The following OSBPL2 variants were observed in gnomAD, a reference collection of about 807,000 sequenced individuals.
OSBPL2 encodes oxysterol-binding protein-related protein 2.
A neutral mutation model predicts 58.4 loss-of-function variants in OSBPL2; 18 were observed. The ratio of observed to expected loss-of-function variants is 0.31; its 90% CI spans 0.21 to 0.46. OSBPL2 has a LOEUF of 0.46. OSBPL2 is among the 20% of genes least tolerant of loss of function. The probability of loss-of-function intolerance (pLI) is 1.00; values close to 1 mark genes in which losing one functional copy is unlikely to be tolerated. For synonymous variants in OSBPL2, 221 were observed against 234.1 expected, an observed-to-expected ratio of 0.94 and a Z score of 0.51; for missense variants, 461 against 616.5, an observed-to-expected ratio of 0.75 and a Z score of 2.67.
chr20:62,275,514 C>A (rs1036448628), intron 6 of OSBPL2, among the ~76,000 whole-genome samples: 1 of 151,734 alleles, frequency 6.6e-6, no homozygotes, highest in African/African-American at 2.4e-5. Flanking sequence ...TGGATATGAT[C>A]ACAGCTCACT....
intron 1 of OSBPL2, chr20:62,238,873 A>G (rs920669549): frequency 7.1e-6 from 1 of 140,788 alleles, no homozygotes; most frequent in Non-Finnish European, 1.6e-5. Flanking sequence ...CGGCCCCCGC[A>G]CCCTTCCCCC....
intron 10 of OSBPL2, chr20:62,286,360 G>T (rs1432841688): frequency 9.2e-6 from 4 of 435,004 alleles, no homozygotes; most frequent in Non-Finnish European, 1.7e-5. Context: ...TGAGGCAGGA[G>T]AATCTCTTGA....
At chr20:62,259,820 C>T (rs972360820) in intron 2 of OSBPL2, among the ~76,000 whole-genome samples, 161 bp from the exon 3 acceptor site, 1 of 152,172 alleles carries the variant, frequency 6.6e-6, no homozygotes, top group Non-Finnish European at 1.5e-5. Flanking sequence ...TCTCTCTGTA[C>T]CGTGTCTGCT....
chr20:62,280,329 C>A, intron 7 of OSBPL2: 1 of 332,892 alleles, frequency 3.0e-6, no homozygotes. Flanking sequence ...GCTGGTATGG[C>A]CGAGTGCCTG....
chr20:62,256,051 C>T lies in OSBPL2; in HGVS notation c.-128-6C>T. The T allele has an allele frequency of 9.3e-7, 1 of 1,075,408 alleles. No individual in the cohort carries two copies. The highest frequency in any genetic ancestry group is 3.2e-5 in the Admixed American group (1 of 31,204). The allele number at this position is 1,075,408 out of a possible 1,614,324, so 66.6% of individuals were successfully genotyped here. ...GCTAAGTATGCCAAAATTTTTTTCC[C>T]TTTAGATCTTCAGTGTCTATTGGAT... On this transcript the variant is annotated splice_region_variant and splice_polypyrimidine_tract_variant and intron_variant, in intron 1 of 13. Transcript: ENST00000313733.
chr20:62,263,721 G>T lies in OSBPL2; in HGVS notation c.258+30G>T, dbSNP rs777235366. The T allele has an allele frequency of 3.2e-6, 5 of 1,583,936 alleles. No homozygotes were observed. The Admixed American group carries it at 8.3e-5, about 26-fold the overall frequency. Reference sequence around the variant, plus strand: ...GTCCGGGGGCCCGTGTTCACACATGGGGCTGCACCACTGACTCCTGGGAAG... The same window carrying T: ...GTCCGGGGGCCCGTGTTCACACATGTGGCTGCACCACTGACTCCTGGGAAG... On this transcript the variant is annotated intron_variant, in intron 4 of 13. Coordinates refer to ENST00000313733, the MANE Select transcript of OSBPL2 (RefSeq NM_144498.4).
chr20:62,282,104 G>A (rs1982833155), intron 9 of OSBPL2: 1 of 366,568 alleles, frequency 2.7e-6, no homozygotes, highest in South Asian at 5.2e-5. Context: ...GTTTCTAGGT[G>A]GCTTGTTACT....
At chr20:62,273,220 A>T in intron 5 of OSBPL2, 89 bp from the exon 6 acceptor site, 1 of 959,268 alleles carries the variant, frequency 1.0e-6, no homozygotes, top group Non-Finnish European at 1.6e-6. Flanking sequence ...GACAGAAACC[A>T]GGTGCCCACC....
intron 2 of OSBPL2, among the ~76,000 whole-genome samples, chr20:62,258,487 G>A (rs187527425): frequency 6.6e-6 from 1 of 152,362 alleles, no homozygotes; most frequent in Non-Finnish European, 1.5e-5. Flanking sequence ...TAAGGGCTAT[G>A]AACGCAGAGG....
intron 5 of OSBPL2, 65 bp from the exon 6 acceptor site, chr20:62,273,244 G>A: frequency 7.7e-7 from 1 of 1,299,784 alleles, no homozygotes; most frequent in Non-Finnish European, 1.1e-6. Flanking sequence ...CTCCACAAGA[G>A]GCCATCTTCT....
At chr20:62,238,931 C>G (rs1296867333) in intron 1 of OSBPL2, 2 of 152,154 alleles carry the variant, frequency 1.3e-5, no homozygotes, top group East Asian at 3.9e-4. Context: ...CCCGGCCCCC[C>G]CGAGATCCCC....
rs1266718896 is a variant in OSBPL2 at position 62,269,845 on chromosome 20, C to A, written c.259-2280C>A. Among the ~76,000 whole-genome samples the A allele has an allele frequency of 6.6e-6, 1 of 152,254 alleles. No individual in the cohort carries two copies. Among genetic ancestry groups the A allele is most frequent in the Non-Finnish European group, 1.5e-5 (1 of 68,042 alleles). ...CCACATTCCCTTGTGCAGTCTTGGCCACACCCATGTGCCGGGGCTGCCTCA... is the reference window on the plus strand; with the variant it reads ...CCACATTCCCTTGTGCAGTCTTGGCAACACCCATGTGCCGGGGCTGCCTCA... On this transcript the variant is annotated intron_variant, in intron 4 of 13. Transcript: ENST00000313733. This position sits in a 1 kb window ranked among gnomAD's most constrained non-coding sequence, Gnocchi z 4.2.
In OSBPL2 at chr20:62,286,693, G is replaced by C; in HGVS notation, c.1107G>C (p.Arg369=). ...AGCTGCTCTGGAGGATCAACACCCG[G>C]CCCCCCAACTCTGCCCAGGTCTGTG... ...GSKLLWRINT[R]PPNSAQMYNF... Residue 369 remains arginine, a synonymous_variant, in exon 11 of 14, where the codon CGG becomes CGC. Transcript: ENST00000313733. The C allele has an allele frequency of 6.2e-7, 1 of 1,612,782 alleles. No homozygotes were observed. The highest frequency in any genetic ancestry group is 8.5e-7 in the Non-Finnish European group (1 of 1,179,362).
intron 4 of OSBPL2, among the ~76,000 whole-genome samples, chr20:62,266,504 G>T (rs146030192): frequency 1.3e-5 from 2 of 152,064 alleles, no homozygotes; most frequent in African/African-American, 2.4e-5. Flanking sequence ...TTCTGGATCC[G>T]CAGTGATTGG....
intron 1 of OSBPL2, among the ~76,000 whole-genome samples, chr20:62,247,953 A>T (rs1180175535): frequency 1.3e-5 from 2 of 150,758 alleles, no homozygotes; most frequent in Non-Finnish European, 3.0e-5. Flanking sequence ...GTGAGCCACT[A>T]CGCCCGGCCC....
chr20:62,251,885 T>TC (rs1980575299), intron 1 of OSBPL2, among the ~76,000 whole-genome samples: 2 of 124,488 alleles, frequency 1.6e-5, no homozygotes, highest in Non-Finnish European at 3.3e-5. Flanking sequence ...TTTTTTTTTT[T>TC]TTTTTTTTTT....
intron 3 of OSBPL2, among the ~76,000 whole-genome samples, chr20:62,261,552 G>A (rs908845222): frequency 1.3e-5 from 2 of 152,028 alleles, no homozygotes; most frequent in African/African-American, 2.4e-5. Context: ...TTGTTTGTTC[G>A]TTCTCTCACC....
chr20:62,259,605 G>A (rs1981160696), intron 2 of OSBPL2, among the ~76,000 whole-genome samples: 1 of 152,198 alleles, frequency 6.6e-6, no homozygotes. Flanking sequence ...CGGGCGCATC[G>A]CAGCCTTGGG....
rs567690769 is a variant in OSBPL2, at chr20:62,262,141, G to A, written c.183-1475G>A. Reference sequence around the variant, plus strand: ...ACTCAGGCAGGATGACCACATGGCCGGCCTCACACTCCTGCTCCTACAGAA... The same window carrying A: ...ACTCAGGCAGGATGACCACATGGCCAGCCTCACACTCCTGCTCCTACAGAA... On this transcript the variant is annotated intron_variant, in intron 3 of 13. Transcript: ENST00000313733. Among the ~76,000 whole-genome samples, 41 of 149,156 alleles carry A rather than the reference G, an allele frequency of 2.7e-4. 2 individuals carry two copies. In the South Asian group the frequency reaches 7.6e-3, roughly 28 times the overall value.
Sources: allele counts gnomAD v4.1 joint callset (sites outside exome capture counted in the v4.1 genomes callset), GRCh38; gene constraint gnomAD v4.1.1; non-coding constraint Gnocchi (gnomAD v3.1); transcripts MANE v1.5; gene names NCBI Gene and HGNC (gene_info 2026-07-23, HGNC 2026-07-21).